The following BRWD3 variants were observed in gnomAD, a reference collection of about 807,000 sequenced individuals.
BRWD3 encodes the protein bromodomain and WD repeat-containing protein 3.
In BRWD3, 10 loss-of-function variants were observed where a neutral mutation model predicts 149.7. The ratio of observed to expected loss-of-function variants is 0.07; its 90% CI spans 0.04 to 0.11. The LOEUF (loss-of-function observed/expected upper bound fraction) is 0.11. BRWD3 is among the 10% of genes least tolerant of loss of function. The probability of loss-of-function intolerance (pLI) is 1.00; values close to 1 mark genes in which losing one functional copy is unlikely to be tolerated. For synonymous variants in BRWD3, 504 were observed against 456.7 expected (o/e 1.10, Z -1.32); for missense variants, 940 against 1,373.2 (o/e 0.68, Z 4.99).
At chrX:80,729,313 T>C (rs1602363118) in intron 13 of BRWD3, among the ~76,000 whole-genome samples, 1 of 111,621 alleles carries the variant, frequency 9.0e-6, no homozygotes. Context: ...TTAGTACCAT[T>C]TTTATGTAAT....
intron 4 of BRWD3, among the ~76,000 whole-genome samples, chrX:80,795,831 T>C (rs999639508): frequency 9.0e-6 from 1 of 110,880 alleles, no homozygotes; most frequent in African/African-American, 3.3e-5. Flanking sequence ...CTCGGGAGAC[T>C]GCAGTGGGAG....
At chrX:80,711,976 T>C (rs1370941366) in intron 20 of BRWD3, among the ~76,000 whole-genome samples, 1 of 112,078 alleles carries the variant, frequency 8.9e-6, no homozygotes, top group African/African-American at 3.2e-5. Flanking sequence ...CACTCATGTA[T>C]GGCTCAGAAT....
At chrX:80,682,873 C>A (rs1056669565) in intron 37 of BRWD3, among the ~76,000 whole-genome samples, 1 of 111,564 alleles carries the variant, frequency 9.0e-6, no homozygotes, top group African/African-American at 3.2e-5. Flanking sequence ...AGAATGTAAA[C>A]TGAAACAGCA....
At chrX:80,721,072 T>C (rs755487097) in intron 17 of BRWD3, among the ~76,000 whole-genome samples, 1 of 112,515 alleles carries the variant, frequency 8.9e-6, no homozygotes, top group South Asian at 3.7e-4. Context: ...AATGATGATC[T>C]TTCAACTATT....
In BRWD3 at chrX:80,672,829, T is replaced by A. The variant is rs1416475476; in HGVS notation, c.*3780A>T. ...TTGTTTAAAAGGCTGGACAGCAAAGTATACTGAAAATTATATATGATGCAA... is the reference window on the plus strand; with the variant it reads ...TTGTTTAAAAGGCTGGACAGCAAAGAATACTGAAAATTATATATGATGCAA... On this transcript the variant is annotated 3_prime_UTR_variant, in exon 41 of 41. Coordinates refer to ENST00000373275, the MANE Select transcript of BRWD3 (RefSeq NM_153252.5). 1 of 111,777 alleles carries A rather than the reference T, an allele frequency of 8.9e-6. No individual in the cohort carries two copies. The highest frequency in any genetic ancestry group is 1.9e-5 in the Non-Finnish European group (1 of 53,143). The allele number at this position is 111,777 out of a possible 1,213,427, so 9.2% of individuals were successfully genotyped here. A position where few individuals can be genotyped will look rare whatever the true frequency, so the allele number is the denominator to read the frequency against.
At chrX:80,712,794 G>A (rs1486979426) in intron 20 of BRWD3, among the ~76,000 whole-genome samples, 14 of 108,076 alleles carry the variant, frequency 1.3e-4, no homozygotes, top group South Asian at 4.1e-4. Context: ...ATCTCTGCCC[G>A]GCCGCGACCC....
chrX:80,808,704 T>G, intron 3 of BRWD3, 106 bp from the exon 4 acceptor site: 1 of 605,186 alleles, frequency 1.7e-6, no homozygotes, highest in Non-Finnish European at 2.5e-6. Context: ...CTCAACACTT[T>G]ACCGTCTTTA....
chrX:80,692,908 T>C (rs1422748840), intron 28 of BRWD3, 32 bp downstream of exon 28: 4 of 1,088,646 alleles, frequency 3.7e-6, no homozygotes, highest in Non-Finnish European at 5.1e-6. Context: ...TACAATGTCA[T>C]ATTAGGCATA....
intron 3 of BRWD3, 151 bp downstream of exon 3, chrX:80,808,862 T>C: frequency 1.6e-6 from 1 of 627,705 alleles, no homozygotes; most frequent in Non-Finnish European, 2.6e-6. Flanking sequence ...TCTGCCCCTT[T>C]TGAGGGAAGA....
At chrX:80,773,696 C>T (rs930419968) in intron 6 of BRWD3, among the ~76,000 whole-genome samples, 2 of 111,940 alleles carry the variant, frequency 1.8e-5, no homozygotes, top group Non-Finnish European at 3.8e-5. Context: ...CTATCCTATG[C>T]AGGTATCTTC....
chrX:80,712,632 C>G (rs1237409518), intron 20 of BRWD3, among the ~76,000 whole-genome samples: 3 of 108,407 alleles, frequency 2.8e-5, no homozygotes, highest in Non-Finnish European at 5.8e-5. Flanking sequence ...GTGAGGAGCC[C>G]CTCTGCCTGG....
At chrX:80,745,473 A>T in intron 7 of BRWD3, 96 bp downstream of exon 7, 1 of 860,296 alleles carries the variant, frequency 1.2e-6, no homozygotes, top group South Asian at 2.5e-5. Context: ...ATCCAAAAAA[A>T]GTGAACTGCT....
At chrX:80,690,948 G>T (rs1406023324) in intron 31 of BRWD3, 105 bp downstream of exon 31, 1 of 957,585 alleles carries the variant, frequency 1.0e-6, no homozygotes, top group South Asian at 2.2e-5. Context: ...TTTGGTGTGG[G>T]TCTTTTGGAT....
At position 80,703,609 on chromosome X, in the gene BRWD3, A is replaced by G. The variant is rs747883826; in HGVS notation, c.2722-16T>C. 1.8e-6 allele frequency: 2 copies of G among 1,101,636 alleles called. No individual in the cohort carries two copies. The highest frequency in any genetic ancestry group is 1.9e-5 in the South Asian group (1 of 51,986). 90.8% of individuals were successfully genotyped at this position (1,101,636 alleles called of 1,213,427 possible). On this transcript the variant is annotated splice_polypyrimidine_tract_variant and intron_variant, in intron 23 of 40. Coordinates refer to ENST00000373275, the MANE Select transcript of BRWD3 (RefSeq NM_153252.5). ...GTCCTCCTTTCTAAAACATAAATAC[A>G]CGAAAAGTATATGTATAAAACACAG...
At chrX:80,783,254 G>C (rs2074073823) in intron 6 of BRWD3, among the ~76,000 whole-genome samples, 1 of 109,940 alleles carries the variant, frequency 9.1e-6, no homozygotes, top group Non-Finnish European at 1.9e-5. Flanking sequence ...AGGCATAGTA[G>C]TGCACACCTG....
At position 80,677,120 on chromosome X, in the gene BRWD3, T is replaced by A. The variant is rs1569242755; in HGVS notation, c.4898A>T (p.Gln1633Leu). The A allele has an allele frequency of 8.3e-7, 1 of 1,211,647 alleles. No individual in the cohort carries two copies. Among genetic ancestry groups the A allele is most frequent in the Non-Finnish European group, 1.1e-6 (1 of 895,187 alleles). Residue 1633 changes from glutamine to leucine, a missense_variant, in exon 41 of 41, where the codon CAA becomes CTA. Around this residue, in one of 6 missense-constraint regions of BRWD3, gnomAD observed 349 missense variants for 419.6 expected, o/e 0.83. Coordinates refer to ENST00000373275, the MANE Select transcript of BRWD3 (RefSeq NM_153252.5). ...ATCATGGTCTCCATCTACGTAATCT[T>A]GATCTGTTCTGGAAGTTGATTCAGA... ...SDSESTSRTDQDYVDGDHDYS... is the reference protein window; with the variant it reads ...SDSESTSRTDLDYVDGDHDYS...
At chrX:80,686,414 A>C (rs1253868148) in intron 35 of BRWD3, among the ~76,000 whole-genome samples, 2 of 106,866 alleles carry the variant, frequency 1.9e-5, no homozygotes, top group Non-Finnish European at 3.9e-5. Context: ...TAGAACTTAA[A>C]GTATAATAAA....
chrX:80,735,386 A>G (rs1377856538), intron 9 of BRWD3, among the ~76,000 whole-genome samples, 189 bp from the exon 10 acceptor site: 2 of 111,910 alleles, frequency 1.8e-5, no homozygotes, highest in East Asian at 5.6e-4. Context: ...ATACTTTATG[A>G]TATCAGTATT....
chrX:80,704,305 C>T (rs1422960494), intron 23 of BRWD3, among the ~76,000 whole-genome samples: 1 of 111,142 alleles, frequency 9.0e-6, no homozygotes. Context: ...CATACTCTTC[C>T]ATGTTACAAG....
Sources: allele counts gnomAD v4.1 joint callset (sites outside exome capture counted in the v4.1 genomes callset), GRCh38; gene constraint gnomAD v4.1.1; regional missense constraint gnomAD v4.1.1; transcripts MANE v1.5; gene names NCBI Gene and HGNC (gene_info 2026-07-23, HGNC 2026-07-21).